Variants in CCDC7 observed in about 807,000 individuals in gnomAD.
The protein encoded by CCDC7 is coiled-coil domain-containing protein 7.
In CCDC7, 183 loss-of-function variants were observed where a neutral mutation model predicts 196.9. The ratio of observed to expected loss-of-function variants is 0.93; its 90% confidence interval spans 0.82 to 1.05. The LOEUF is 1.05. Ranked by LOEUF, CCDC7 falls within the 50% of genes least tolerant of loss-of-function variation. CCDC7 has a pLI of 0.00. For synonymous variants in CCDC7, 525 were observed against 484.6 expected, an observed-to-expected ratio of 1.08 and a Z score of -1.10; for missense variants, 1,540 against 1,482.2, an observed-to-expected ratio of 1.04 and a Z score of -0.64.
chr10:32,655,841 C>T (rs780301026), intron 20 of CCDC7, among the ~76,000 whole-genome samples: 1 of 152,218 alleles, frequency 6.6e-6, no homozygotes, highest in Non-Finnish European at 1.5e-5. Context: ...GCCACGATGT[C>T]TGGCCTATAT....
intron 25 of CCDC7, among the ~76,000 whole-genome samples, chr10:32,723,457 C>T (rs1472158854): frequency 6.6e-6 from 1 of 152,054 alleles, no homozygotes; most frequent in African/African-American, 2.4e-5. Flanking sequence ...GTCTCATCTA[C>T]CACCGGGGTG....
intron 13 of CCDC7, among the ~76,000 whole-genome samples, chr10:32,561,533 C>T (rs2055632051): frequency 6.6e-6 from 1 of 152,186 alleles, no homozygotes; most frequent in Admixed American, 6.5e-5. Context: ...AACTGAACAA[C>T]CTGCTCCTGA....
At chr10:32,570,010 A>G (rs1467150300) in intron 15 of CCDC7, among the ~76,000 whole-genome samples, 1 of 152,076 alleles carries the variant, frequency 6.6e-6, no homozygotes, top group Non-Finnish European at 1.5e-5. Context: ...ATATACCTTC[A>G]TGGCTTCTAG....
chr10:32,620,140 C>G (rs2139101676), intron 18 of CCDC7, among the ~76,000 whole-genome samples: 1 of 152,178 alleles, frequency 6.6e-6, no homozygotes, highest in South Asian at 2.1e-4. Context: ...CCAGGCTGGT[C>G]TCGATCTCCT....
chr10:32,804,933 AC>A, intron 29 of CCDC7, 81 bp from the exon 31 acceptor site: 5 of 297,344 alleles, frequency 1.7e-5, no homozygotes, highest in South Asian at 1.7e-4. Flanking sequence ...AATTTAATAC[AC>A]ACACACACAC....
chr10:32,491,862 T>A, intron 8 of CCDC7, 60 bp from the exon 10 acceptor site: 2 of 1,462,692 alleles, frequency 1.4e-6, no homozygotes, highest in Non-Finnish European at 1.8e-6. Flanking sequence ...ATATTTAGCA[T>A]AGAGCTATAA....
chr10:32,562,859 G>A (rs147543652), intron 13 of CCDC7, among the ~76,000 whole-genome samples: 20,410 of 152,146 alleles, frequency 0.13, 1,624 homozygotes, highest in African/African-American at 0.23. Context: ...AAGTCAAATT[G>A]TCCCTGTTTG....
At chr10:32,459,646 ATTTTT>A (rs60002951) in intron 3 of CCDC7, among the ~76,000 whole-genome samples, 7 of 68,742 alleles carry the variant, frequency 1.0e-4, no homozygotes, top group African/African-American at 2.9e-4. Flanking sequence ...CCTGCTGCAC[ATTTTT>A]TTTTTTTTTT....
exon 39 of CCDC7, chr10:32,848,696 T>C (rs1211635871): frequency 9.7e-6 from 15 of 1,545,334 alleles, no homozygotes; most frequent in Middle Eastern, 1.7e-4. Flanking sequence ...AAGTGATCAA[T>C]TTATCACCCT....
At chr10:32,477,483 G>A (rs370592900) in intron 8 of CCDC7, among the ~76,000 whole-genome samples, 60 of 152,030 alleles carry the variant, frequency 3.9e-4, no homozygotes, top group African/African-American at 1.4e-3. Context: ...TTACAGGCGT[G>A]AGCCACTGCG....
chr10:32,737,661 T>A (rs953323690), intron 28 of CCDC7, among the ~76,000 whole-genome samples: 8 of 152,212 alleles, frequency 5.3e-5, no homozygotes, highest in Non-Finnish European at 1.0e-4. Flanking sequence ...CTGTTTTCTT[T>A]GCAGTCCCAT....
intron 20 of CCDC7, among the ~76,000 whole-genome samples, chr10:32,643,856 T>TAA: frequency 1.5e-5 from 2 of 133,832 alleles, no homozygotes; most frequent in South Asian, 2.1e-4. Flanking sequence ...ATTTTCAAAA[T>TAA]TATTTTGAAA....
intron 41 of CCDC7, among the ~76,000 whole-genome samples, chr10:32,865,304 T>C (rs2094161216): frequency 6.6e-6 from 1 of 151,594 alleles, no homozygotes; most frequent in African/African-American, 2.4e-5. Flanking sequence ...AAAGAAGGTA[T>C]ACAAAGGACA....
intron 13 of CCDC7, among the ~76,000 whole-genome samples, chr10:32,554,898 C>T (rs953628989): frequency 6.6e-6 from 1 of 152,182 alleles, no homozygotes; most frequent in African/African-American, 2.4e-5. Context: ...TCATTCTGCG[C>T]TCTATCTCCA....
intron 30 of CCDC7, among the ~76,000 whole-genome samples, chr10:32,808,902 A>G (rs1011070644): frequency 1.3e-5 from 2 of 152,166 alleles, no homozygotes; most frequent in African/African-American, 4.8e-5. Context: ...CAGGGTAGGC[A>G]TGGTGACTCA....
chr10:32,603,446 A>G (rs2061271042), intron 18 of CCDC7, among the ~76,000 whole-genome samples: 1 of 152,066 alleles, frequency 6.6e-6, no homozygotes, highest in Non-Finnish European at 1.5e-5. Context: ...TACTGATTTC[A>G]TTTCCTTTGG....
intron 9 of CCDC7, among the ~76,000 whole-genome samples, chr10:32,502,189 C>T (rs552741927): frequency 3.8e-4 from 58 of 152,176 alleles, no homozygotes; most frequent in Non-Finnish European, 7.6e-4. Context: ...CCCATTAAGC[C>T]AGGCACCAAG....
chr10:32,691,694 T>C (rs548823507), intron 23 of CCDC7, among the ~76,000 whole-genome samples: 1 of 152,246 alleles, frequency 6.6e-6, no homozygotes. Flanking sequence ...TTACAGCCTC[T>C]GCAGATGAAG....
intron 24 of CCDC7, among the ~76,000 whole-genome samples, chr10:32,705,964 C>A (rs189018026): frequency 6.6e-6 from 1 of 152,104 alleles, no homozygotes; most frequent in African/African-American, 2.4e-5. Context: ...CTGCACCAAG[C>A]GGACCTACTG....
Sources: gnomAD v4.1 joint callset for allele counts (sites outside exome capture counted in the v4.1 genomes callset) on GRCh38, gnomAD v4.1.1 for gene constraint, MANE v1.5 for transcripts, NCBI Gene and HGNC (gene_info 2026-07-23, HGNC 2026-07-21) for gene names.